Variants in FMN2 observed in about 807,000 individuals in gnomAD.
The protein encoded by FMN2 is formin-2.
A neutral mutation model predicts 142.3 loss-of-function variants in FMN2; 51 were observed. The ratio of observed to expected loss-of-function variants is 0.36; its 90% CI spans 0.29 to 0.45. FMN2 has a LOEUF of 0.45. FMN2 is among the 20% of genes least tolerant of loss of function. The pLI is 1.00. For synonymous variants in FMN2, 882 were observed against 869.8 expected, an observed-to-expected ratio of 1.01 and a Z score of -0.25; for missense variants, 1,936 against 2,122.8, an observed-to-expected ratio of 0.91 and a Z score of 1.73.
At chr1:240,277,555 C>T (rs1669260967) in intron 7 of FMN2, among the ~76,000 whole-genome samples, 1 of 100,440 alleles carries the variant, frequency 1.0e-5, no homozygotes, top group African/African-American at 4.1e-5. Context: ...TTTTTTGAGA[C>T]AGAGTTGCAC....
intron 16 of FMN2, among the ~76,000 whole-genome samples, chr1:240,448,162 T>C (rs1171306512): frequency 1.3e-5 from 2 of 152,130 alleles, no homozygotes; most frequent in East Asian, 3.9e-4. Flanking sequence ...ATTTGGGAGA[T>C]AAATCTGCTG....
intron 15 of FMN2, among the ~76,000 whole-genome samples, chr1:240,434,995 A>T (rs557903556): frequency 6.6e-6 from 1 of 152,062 alleles, no homozygotes; most frequent in Admixed American, 6.6e-5. Flanking sequence ...CCATGGCCAC[A>T]TCCAAAGAAA....
chr1:240,111,311 G>C (rs535423883), intron 1 of FMN2, among the ~76,000 whole-genome samples: 2 of 152,150 alleles, frequency 1.3e-5, no homozygotes, highest in Non-Finnish European at 2.9e-5. Flanking sequence ...GATCTTGTAC[G>C]AGAAAGAATT....
chr1:240,432,778 A>T (rs1022189125), intron 15 of FMN2, among the ~76,000 whole-genome samples: 5 of 151,984 alleles, frequency 3.3e-5, no homozygotes, highest in African/African-American at 9.7e-5. Flanking sequence ...TTAATTGCCA[A>T]ATTGGATGTT....
chr1:240,372,915 C>T lies in FMN2; in HGVS notation c.4858+17007C>T, dbSNP rs116111638. Among the ~76,000 whole-genome samples, 420 of 152,132 alleles carry T rather than the reference C, an allele frequency of 2.8e-3. 1 individual carries two copies. Among genetic ancestry groups the T allele is most frequent in the African/African-American group, 9.9e-3 (409 of 41,516 alleles). On this transcript the variant is annotated intron_variant, in intron 14 of 17. Coordinates refer to ENST00000319653, the MANE Select transcript of FMN2 (RefSeq NM_020066.5). The stretch of plus-strand genomic sequence containing the variant: ...AAAATGCTAACAATCGGCTGGGCGC[C>T]GTGGCTCATGCCTGTAATCCCAGCA...
At chr1:240,351,168 G>A (rs1212739614) in intron 13 of FMN2, among the ~76,000 whole-genome samples, 1 of 152,134 alleles carries the variant, frequency 6.6e-6, no homozygotes, top group East Asian at 1.9e-4. Context: ...TTTTTACTTT[G>A]TAATGGCACA....
intron 2 of FMN2, chr1:240,143,345 A>G (rs1248429262): frequency 1.3e-5 from 20 of 1,488,956 alleles, no homozygotes; most frequent in South Asian, 2.3e-5. Context: ...GGCTCCCCAT[A>G]TCTCAGCAAG....
chr1:240,143,721 A>T, intron 2 of FMN2: 2 of 1,563,398 alleles, frequency 1.3e-6, no homozygotes, highest in South Asian at 1.1e-5. Flanking sequence ...GCCAACGAGC[A>T]TAAGAGTCCT....
At chr1:240,228,910 T>A (rs994845295) in intron 6 of FMN2, among the ~76,000 whole-genome samples, 4 of 152,154 alleles carry the variant, frequency 2.6e-5, no homozygotes, top group African/African-American at 9.7e-5. Context: ...AACTTTTTTC[T>A]TTGCTTTTGA....
At chr1:240,162,988 T>TA (rs1664341888) in intron 2 of FMN2, among the ~76,000 whole-genome samples, 1 of 152,196 alleles carries the variant, frequency 6.6e-6, no homozygotes, top group South Asian at 2.1e-4. Flanking sequence ...CTGACTCTGT[T>TA]GTCTTTTTCA....
At position 240,319,495 on chromosome 1, in the gene FMN2, C is replaced by T. The variant is rs1401855682; in HGVS notation, c.4216-9581C>T. Among the ~76,000 whole-genome samples the T allele has an allele frequency of 2.0e-5, 3 of 152,136 alleles. No homozygotes were observed. The East Asian group carries it at 5.8e-4, about 29-fold the overall frequency. ...TGCTCTTAAACAAAACTAGTATTTC[C>T]AACAGCATAATTTCAAAGAGTGTTT... On this transcript the variant is annotated intron_variant, in intron 8 of 17. Transcript: ENST00000319653.
chr1:240,163,347 C>T (rs1393281916), intron 2 of FMN2, among the ~76,000 whole-genome samples: 1 of 152,162 alleles, frequency 6.6e-6, no homozygotes, highest in African/African-American at 2.4e-5. Flanking sequence ...TTCCTTAGAG[C>T]TCTGCCAATT....
chr1:240,308,474 GA>G (rs1187677985), intron 8 of FMN2, among the ~76,000 whole-genome samples: 2 of 152,152 alleles, frequency 1.3e-5, no homozygotes, highest in African/African-American at 4.8e-5. Flanking sequence ...TTAGCAGCCT[GA>G]AGCCATGGTG....
intron 2 of FMN2, among the ~76,000 whole-genome samples, chr1:240,153,440 A>C (rs2103276333): frequency 7.2e-6 from 1 of 139,168 alleles, no homozygotes; most frequent in East Asian, 2.1e-4. Context: ...AGCTCACTGC[A>C]GCCTTAACCT....
chr1:240,108,748 A>C (rs887276344), intron 1 of FMN2, among the ~76,000 whole-genome samples: 3 of 152,178 alleles, frequency 2.0e-5, no homozygotes, highest in Admixed American at 2.0e-4. Flanking sequence ...AAAAATGCAC[A>C]GAAGGGGCCT....
chr1:240,149,732 C>T (rs1663682098), intron 2 of FMN2, among the ~76,000 whole-genome samples: 1 of 152,156 alleles, frequency 6.6e-6, no homozygotes, highest in South Asian at 2.1e-4. Flanking sequence ...GTATTCATTT[C>T]CAAATATAAG....
chr1:240,142,657 T>A, intron 2 of FMN2: 1 of 1,602,778 alleles, frequency 6.2e-7, no homozygotes, highest in South Asian at 1.1e-5. Flanking sequence ...TCAGAGCCCC[T>A]GGTGGTCACT....
chr1:240,454,264 A>G (rs368865422), intron 16 of FMN2, among the ~76,000 whole-genome samples: 2 of 151,700 alleles, frequency 1.3e-5, no homozygotes, highest in African/African-American at 4.8e-5. Flanking sequence ...CTTTGGGGCC[A>G]GGAATGGTGG....
intron 16 of FMN2, among the ~76,000 whole-genome samples, chr1:240,440,137 C>T (rs562687176): frequency 2.0e-5 from 3 of 152,162 alleles, no homozygotes; most frequent in Admixed American, 6.5e-5. Context: ...GCATCGCTGT[C>T]GGAGAATGGC....
Sources: allele counts gnomAD v4.1 joint callset (sites outside exome capture counted in the v4.1 genomes callset), GRCh38; gene constraint gnomAD v4.1.1; transcripts MANE v1.5; gene names NCBI Gene and HGNC (gene_info 2026-07-23, HGNC 2026-07-21).